The following PTPRO variants were observed in gnomAD, a reference collection of about 807,000 sequenced individuals.
The protein encoded by PTPRO is protein tyrosine phosphatase receptor type O, also known as receptor-type tyrosine-protein phosphatase O.
A neutral mutation model predicts 145.2 loss-of-function variants in PTPRO; 62 were observed. That is an observed-to-expected ratio of 0.43 (90% CI 0.35 to 0.53). PTPRO has a LOEUF of 0.53. PTPRO is among the 20% of genes least tolerant of loss of function. The probability of loss-of-function intolerance (pLI) is 0.01; values close to 1 mark genes in which losing one functional copy is unlikely to be tolerated. For synonymous variants in PTPRO, 565 were observed against 514.7 expected (o/e 1.10, Z -1.32); for missense variants, 1,345 against 1,482.7 (o/e 0.91, Z 1.53).
chr12:15,348,089 A>G (rs1468147015), intron 1 of PTPRO, among the ~76,000 whole-genome samples: 1 of 152,234 alleles, frequency 6.6e-6, no homozygotes, highest in East Asian at 1.9e-4. Context: ...GGAAGCTGTA[A>G]ATGTGTTTTC....
At chr12:15,444,487 A>G (rs1330120432) in intron 1 of PTPRO, among the ~76,000 whole-genome samples, 2 of 152,086 alleles carry the variant, frequency 1.3e-5, no homozygotes, top group Non-Finnish European at 2.9e-5. Flanking sequence ...AATCAAAACT[A>G]AAAATTGAAA....
At chr12:15,405,585 G>A (rs1214371017) in intron 1 of PTPRO, among the ~76,000 whole-genome samples, 1 of 152,082 alleles carries the variant, frequency 6.6e-6, no homozygotes, top group Non-Finnish European at 1.5e-5. Context: ...TTCTAACCTA[G>A]AATCCATGAG....
chr12:15,430,562 T>C lies in PTPRO; in HGVS notation c.76-53412T>C, dbSNP rs181442743. Among the ~76,000 whole-genome samples the C allele has an allele frequency of 3.9e-4, 60 of 152,288 alleles. 1 individual carries two copies. In the East Asian group the frequency reaches 0.011, roughly 28 times the overall value. Reference sequence around the variant, plus strand: ...GGTGGTGGCTGTGTCTGTGTATCTTTGTTATGCATCAATATTTGAACCACT... The same window carrying C: ...GGTGGTGGCTGTGTCTGTGTATCTTCGTTATGCATCAATATTTGAACCACT... On this transcript the variant is annotated intron_variant, in intron 1 of 26. Transcript: ENST00000281171.
chr12:15,382,866 G>T (rs926430738), intron 1 of PTPRO, among the ~76,000 whole-genome samples: 5 of 152,010 alleles, frequency 3.3e-5, no homozygotes, highest in African/African-American at 9.7e-5. Flanking sequence ...ATATTTATGG[G>T]GTACAGCGTT....
At chr12:15,457,442 G>C (rs1018209246) in intron 1 of PTPRO, among the ~76,000 whole-genome samples, 5 of 152,094 alleles carry the variant, frequency 3.3e-5, no homozygotes, top group African/African-American at 1.2e-4. Flanking sequence ...AATCCATTTA[G>C]CTATTTCTAA....
At chr12:15,562,844 A>T (rs925714079) in intron 17 of PTPRO, among the ~76,000 whole-genome samples, 1 of 151,336 alleles carries the variant, frequency 6.6e-6, no homozygotes, top group East Asian at 1.9e-4. Context: ...AAGAAGTGGC[A>T]TTTAGTTGAA....
At chr12:15,568,302 T>G (rs1466276193) in intron 18 of PTPRO, among the ~76,000 whole-genome samples, 5 of 152,072 alleles carry the variant, frequency 3.3e-5, no homozygotes, top group African/African-American at 9.7e-5. Flanking sequence ...TGGTGGCACC[T>G]GCCTGTAGTC....
chr12:15,522,152 CATGTA>C (rs1468025280), intron 10 of PTPRO, among the ~76,000 whole-genome samples: 6 of 151,832 alleles, frequency 4.0e-5, no homozygotes, highest in Non-Finnish European at 8.8e-5. Context: ...AGAATTAAAT[CATGTA>C]ATGTAAGTCA....
chr12:15,522,256 T>C (rs918149037), intron 10 of PTPRO, among the ~76,000 whole-genome samples: 100 of 152,108 alleles, frequency 6.6e-4, no homozygotes, highest in African/African-American at 2.4e-3. Context: ...TCTTTTTTTT[T>C]TTTTTACTTT....
chr12:15,381,299 T>C (rs141572867), intron 1 of PTPRO, among the ~76,000 whole-genome samples: 20 of 152,328 alleles, frequency 1.3e-4, no homozygotes, highest in African/African-American at 2.4e-4. Flanking sequence ...ATGTTTTAAA[T>C]TCTTGCTATT....
intron 1 of PTPRO, among the ~76,000 whole-genome samples, chr12:15,361,375 G>T (rs1478992348): frequency 1.4e-5 from 2 of 147,084 alleles, no homozygotes; most frequent in African/African-American, 2.5e-5. Context: ...GGAGGCGAAG[G>T]TTGCAGTGAG....
intron 1 of PTPRO, among the ~76,000 whole-genome samples, chr12:15,405,753 A>G (rs1452349394): frequency 6.6e-6 from 1 of 152,202 alleles, no homozygotes; most frequent in African/African-American, 2.4e-5. Flanking sequence ...AAGTCAGTTA[A>G]TTATTACATA....
At position 15,501,652 on chromosome 12, in the gene PTPRO, A is replaced by G. The variant is rs1565667770; in HGVS notation, c.694A>G (p.Ile232Val). Residue 232 changes from isoleucine (I) to valine (V), a missense_variant, in exon 5 of 27, where the codon ATC becomes GTC. Ile to Val is a conservative substitution (Grantham distance 29). This residue lies in a region of PTPRO where 1,130 missense variants were observed against 1,214.7 expected (regional missense o/e 0.93). Transcript: ENST00000281171. ...TCCACCTCAAAATATTTCCGTTCGT[A>G]TCGTAAACTTGAACAAAAACAACTG... ...PYPPQNISVRIVNLNKNNWEE... is the reference protein window; with the variant it reads ...PYPPQNISVRVVNLNKNNWEE... The G allele has an allele frequency of 3.7e-6, 6 of 1,614,024 alleles. No individual in the cohort carries two copies. The highest frequency in any genetic ancestry group is 1.3e-5 in the African/African-American group (1 of 75,046).
At chr12:15,543,771 GAGAA>G (rs1943223710) in intron 12 of PTPRO, among the ~76,000 whole-genome samples, 1 of 152,172 alleles carries the variant, frequency 6.6e-6, no homozygotes. Context: ...AAATCATTAA[GAGAA>G]AGAGTCACCA....
intron 17 of PTPRO, among the ~76,000 whole-genome samples, chr12:15,563,609 T>C (rs1050521544): frequency 2.0e-5 from 3 of 151,986 alleles, no homozygotes; most frequent in Admixed American, 6.6e-5. Context: ...AAACATGTAG[T>C]GGAATTATAC....
intron 2 of PTPRO, among the ~76,000 whole-genome samples, chr12:15,489,948 G>A (rs1941966790): frequency 1.3e-5 from 2 of 152,198 alleles, no homozygotes; most frequent in South Asian, 4.1e-4. Flanking sequence ...GGCATACATA[G>A]CATGGCACAC....
At chr12:15,325,451 G>A (rs955714203) in intron 1 of PTPRO, among the ~76,000 whole-genome samples, 2 of 152,136 alleles carry the variant, frequency 1.3e-5, no homozygotes, top group Non-Finnish European at 2.9e-5. Context: ...ATCATTCACT[G>A]CACATTATGA....
At chr12:15,385,872 TGATA>T (rs974409872) in intron 1 of PTPRO, among the ~76,000 whole-genome samples, 50 of 143,438 alleles carry the variant, frequency 3.5e-4, no homozygotes, top group African/African-American at 8.8e-4. Flanking sequence ...GATAGATAGA[TGATA>T]GATAGATTAA....
chr12:15,464,889 T>C (rs879467502), intron 1 of PTPRO, among the ~76,000 whole-genome samples: 1 of 152,176 alleles, frequency 6.6e-6, no homozygotes, highest in Admixed American at 6.5e-5. Flanking sequence ...TCATTAGAAC[T>C]TGTACCATTA....
Sources: gnomAD v4.1 joint callset for allele counts (sites outside exome capture counted in the v4.1 genomes callset) on GRCh38, gnomAD v4.1.1 for gene constraint, gnomAD v4.1.1 regional missense constraint, MANE v1.5 for transcripts, NCBI Gene and HGNC (gene_info 2026-07-23, HGNC 2026-07-21) for gene names.